Variants in EPHB2 observed in about 807,000 individuals in gnomAD.
EPHB2 encodes ephrin type-B receptor 2.
In EPHB2, 18 loss-of-function variants were observed where a neutral mutation model predicts 96.4. That is an observed-to-expected ratio of 0.19 (90% CI 0.13 to 0.28). EPHB2 has a LOEUF of 0.28. EPHB2 is among the 10% of genes least tolerant of loss of function. The pLI, the probability that EPHB2 is intolerant of heterozygous loss-of-function variation, is 1.00. For missense variants in EPHB2, 989 were observed against 1,355.4 expected, an observed-to-expected ratio of 0.73 and a Z score of 4.25; for synonymous variants, 506 against 534.1, an observed-to-expected ratio of 0.95 and a Z score of 0.72.
rs781582583 is a variant in EPHB2, at chr1:22,907,936, C to G, written c.2137-17C>G. 40 of 1,613,832 alleles carry G rather than the reference C, an allele frequency of 2.5e-5. No individual in the cohort carries two copies. ...TGCTCTTCTGTTTACTCTGTGTTTT[C>G]CCCACTTCTCCCAAAGCAAAACGAT... is the stretch of plus-strand genomic sequence containing the variant. On this transcript the variant is annotated splice_polypyrimidine_tract_variant and intron_variant, in intron 11 of 15. Transcript: ENST00000374630.
chr1:22,828,991 TAGAATGCTATAGTAATAGAATGTCA>T (rs1040667223), intron 3 of EPHB2, among the ~76,000 whole-genome samples: 2 of 152,266 alleles, frequency 1.3e-5, no homozygotes, highest in Admixed American at 1.3e-4. Context: ...GCAGGAATTA[TAGAATGCTATAGTAATAGAATGTCA>T]TAGTCAAGAA....
rs147727992 is a variant in EPHB2, at chr1:22,863,106, G to A, written c.881G>A (p.Arg294Gln). 1.5e-5 allele frequency: 24 copies of A among 1,614,014 alleles called. No homozygotes were observed. The highest frequency in any genetic ancestry group is 6.7e-5 in the East Asian group (3 of 44,882). Residue 294 changes from arginine (R) to glutamine (Q), a missense_variant, in exon 4 of 16, where the codon CGG becomes CAG. Arg to Gln is a conservative substitution (Grantham distance 43). Transcript: ENST00000374630. ...TGTACCCACTGTCCCATCAACAGCC[G>A]GACCACTTCTGAAGGGGCCACCAAC... ...EACTHCPINS[R>Q]TTSEGATNCV... is the part of the protein sequence containing the mutation.
intron 9 of EPHB2, among the ~76,000 whole-genome samples, chr1:22,905,282 A>T (rs1639874590): frequency 6.6e-6 from 1 of 152,222 alleles, no homozygotes; most frequent in Non-Finnish European, 1.5e-5. Flanking sequence ...CAGGAATCAA[A>T]TGCCCCATGT....
chr1:22,798,966 A>G (rs900571151), intron 3 of EPHB2, among the ~76,000 whole-genome samples: 2 of 152,118 alleles, frequency 1.3e-5, no homozygotes, highest in African/African-American at 4.8e-5. Flanking sequence ...TGGGGGGGAC[A>G]TGGTAATGGA....
chr1:22,823,851 G>A (rs1351585244), intron 3 of EPHB2, among the ~76,000 whole-genome samples: 1 of 152,240 alleles, frequency 6.6e-6, no homozygotes, highest in Non-Finnish European at 1.5e-5. Flanking sequence ...TGTATGAGAG[G>A]AATGGAAAGA....
chr1:22,802,203 A>G (rs1644854434), intron 3 of EPHB2, among the ~76,000 whole-genome samples: 1 of 152,142 alleles, frequency 6.6e-6, no homozygotes, highest in Non-Finnish European at 1.5e-5. Context: ...TAGGAGGCCC[A>G]TGGGGGAAAT....
intron 3 of EPHB2, among the ~76,000 whole-genome samples, chr1:22,822,718 C>A (rs925849074): frequency 2.0e-5 from 3 of 152,246 alleles, no homozygotes; most frequent in African/African-American, 7.2e-5. Flanking sequence ...GCACTGGCAT[C>A]TGGGCCAGAG....
At chr1:22,763,652 G>A (rs1307097742) in intron 1 of EPHB2, among the ~76,000 whole-genome samples, 2 of 152,160 alleles carry the variant, frequency 1.3e-5, no homozygotes, top group African/African-American at 2.4e-5. Flanking sequence ...CCACTTTCTC[G>A]ACTGAGGATG....
At chr1:22,768,019 C>A (rs1396040588) in intron 1 of EPHB2, among the ~76,000 whole-genome samples, 1 of 152,184 alleles carries the variant, frequency 6.6e-6, no homozygotes, top group East Asian at 1.9e-4. Context: ...CAGGGAGTCA[C>A]ACTGAGCAGA....
intron 9 of EPHB2, among the ~76,000 whole-genome samples, chr1:22,901,175 C>G (rs1443864416): frequency 6.6e-6 from 1 of 152,204 alleles, no homozygotes; most frequent in Non-Finnish European, 1.5e-5. Flanking sequence ...ATAGCCAGCT[C>G]TTCTTTGCAA....
chr1:22,817,972 G>A (rs1386619299), intron 3 of EPHB2, among the ~76,000 whole-genome samples: 2 of 152,148 alleles, frequency 1.3e-5, no homozygotes, highest in Non-Finnish European at 2.9e-5. Flanking sequence ...AATGGGAAGG[G>A]CCCAGCCCAT....
rs114472407 is a variant in EPHB2, at chr1:22,721,206, C to G, written c.61+10163C>G. On this transcript the variant is annotated intron_variant, in intron 1 of 15. Transcript: ENST00000374630. ...ATTAAGTTTGGACCACAGGCTGGCC[C>G]CAGAGCACATGGAAATGTGTACAAA... is the stretch of plus-strand genomic sequence containing the variant. Among the ~76,000 whole-genome samples the G allele has an allele frequency of 9.5e-3, 1,448 of 152,270 alleles. 30 individuals carry two copies. Among genetic ancestry groups the G allele is most frequent in the African/African-American group, 0.033 (1,366 of 41,550 alleles).
At chr1:22,876,357 A>G (rs993741184) in intron 5 of EPHB2, among the ~76,000 whole-genome samples, 2 of 152,172 alleles carry the variant, frequency 1.3e-5, no homozygotes, top group Non-Finnish European at 2.9e-5. Context: ...TCCTAGTCCC[A>G]GAAGACCCTG....
chr1:22,840,715 C>T (rs902861239), intron 3 of EPHB2, among the ~76,000 whole-genome samples: 7 of 152,182 alleles, frequency 4.6e-5, no homozygotes, highest in Admixed American at 3.3e-4. Context: ...CCCACCTTTG[C>T]CTCCCGAAGT....
intron 1 of EPHB2, among the ~76,000 whole-genome samples, chr1:22,746,719 C>T (rs952691491): frequency 1.3e-5 from 2 of 152,236 alleles, no homozygotes; most frequent in Non-Finnish European, 2.9e-5. Context: ...GGAGGCCTCA[C>T]CTCCACCTTT....
At chr1:22,855,920 T>C (rs1474940322) in intron 3 of EPHB2, among the ~76,000 whole-genome samples, 1 of 152,130 alleles carries the variant, frequency 6.6e-6, no homozygotes, top group Non-Finnish European at 1.5e-5. Flanking sequence ...CAGGTTCAAT[T>C]TCATCAGACC....
At chr1:22,726,967 G>T (rs934640041) in intron 1 of EPHB2, among the ~76,000 whole-genome samples, 5 of 152,206 alleles carry the variant, frequency 3.3e-5, no homozygotes, top group Admixed American at 2.0e-4. Context: ...AGGCCTAGAG[G>T]CTGGAAAGGG....
At chr1:22,748,146 C>T (rs963248789) in intron 1 of EPHB2, among the ~76,000 whole-genome samples, 2 of 152,190 alleles carry the variant, frequency 1.3e-5, no homozygotes, top group Non-Finnish European at 2.9e-5. Context: ...TTATCAATTT[C>T]ACTGGGTTAC....
intron 1 of EPHB2, among the ~76,000 whole-genome samples, chr1:22,764,700 T>C (rs1207810213): frequency 2.6e-5 from 4 of 151,118 alleles, no homozygotes; most frequent in Admixed American, 6.6e-5. Flanking sequence ...AAGCCGAGAT[T>C]GCACCACCGC....
Sources: gnomAD v4.1 joint callset for allele counts (sites outside exome capture counted in the v4.1 genomes callset) on GRCh38, gnomAD v4.1.1 for gene constraint, MANE v1.5 for transcripts, NCBI Gene and HGNC (gene_info 2026-07-23, HGNC 2026-07-21) for gene names.